Variants in SNTG1 observed in about 807,000 individuals in gnomAD.
The protein encoded by SNTG1 is syntrophin gamma 1.
In SNTG1, 39 loss-of-function variants were observed where a neutral mutation model predicts 74.7. The ratio of observed to expected loss-of-function variants is 0.52; its 90% CI spans 0.40 to 0.68. SNTG1 has a LOEUF of 0.68. Ranked by LOEUF, SNTG1 falls within the 30% of genes least tolerant of loss-of-function variation. The pLI is 0.00. For synonymous variants in SNTG1, 254 were observed against 217.1 expected (o/e 1.17, Z -1.49); for missense variants, 685 against 609.5 (o/e 1.12, Z -1.30).
At chr8:50,468,543 G>A (rs1440489867) in intron 8 of SNTG1, among the ~76,000 whole-genome samples, 1 of 152,004 alleles carries the variant, frequency 6.6e-6, no homozygotes, top group East Asian at 1.9e-4. Context: ...ATTAAAATGG[G>A]TTTCTTGTAG....
chr8:50,506,606 A>T (rs1361127904), intron 9 of SNTG1, among the ~76,000 whole-genome samples: 3 of 152,030 alleles, frequency 2.0e-5, no homozygotes, highest in Non-Finnish European at 4.4e-5. Flanking sequence ...TATTATCAAT[A>T]AAATTGTTTT....
chr8:50,757,903 G>A (rs1462216146), intron 18 of SNTG1, among the ~76,000 whole-genome samples: 1 of 151,930 alleles, frequency 6.6e-6, no homozygotes, highest in East Asian at 2.0e-4. Context: ...ACTAAACCAA[G>A]TCCGCCTTCA....
chr8:50,086,352 T>A (rs1009316729), intron 1 of SNTG1, among the ~76,000 whole-genome samples: 12 of 152,312 alleles, frequency 7.9e-5, no homozygotes, highest in Non-Finnish European at 1.8e-4. Context: ...TTGGAAGCTA[T>A]AATTGAGTAA....
At chr8:50,500,621 T>C (rs2129651168) in intron 8 of SNTG1, among the ~76,000 whole-genome samples, 1 of 152,328 alleles carries the variant, frequency 6.6e-6, no homozygotes, top group Non-Finnish European at 1.5e-5. Context: ...CCTGGTCATT[T>C]TGTTTATTAT....
chr8:49,958,234 G>A (rs112820449), intron 1 of SNTG1, among the ~76,000 whole-genome samples: 2 of 152,226 alleles, frequency 1.3e-5, no homozygotes, highest in African/African-American at 4.8e-5. Context: ...TAGGTTCACT[G>A]TAGGGCTGAA....
intron 17 of SNTG1, among the ~76,000 whole-genome samples, chr8:50,720,716 C>G (rs1479531625): frequency 6.6e-6 from 1 of 152,154 alleles, no homozygotes. Flanking sequence ...TTGCTGGACA[C>G]TCATGAGTCA....
chr8:50,292,958 G>C (rs1320230193), intron 2 of SNTG1, among the ~76,000 whole-genome samples: 1 of 152,076 alleles, frequency 6.6e-6, no homozygotes. Context: ...GAGGATCCAA[G>C]GACCTGAGGG....
intron 1 of SNTG1, among the ~76,000 whole-genome samples, chr8:49,994,783 G>T (rs1040360129): frequency 9.2e-5 from 14 of 151,948 alleles, no homozygotes; most frequent in African/African-American, 3.1e-4. Flanking sequence ...GAAAAGTCAG[G>T]AACTTAGTAA....
At chr8:50,264,997 C>A (rs1358365474) in intron 2 of SNTG1, among the ~76,000 whole-genome samples, 1 of 152,070 alleles carries the variant, frequency 6.6e-6, no homozygotes, top group South Asian at 2.1e-4. Flanking sequence ...TTAAAAACTT[C>A]TTCCAAGGTT....
intron 2 of SNTG1, among the ~76,000 whole-genome samples, chr8:50,372,173 T>A (rs1375617818): frequency 1.3e-5 from 2 of 151,924 alleles, no homozygotes; most frequent in Non-Finnish European, 2.9e-5. Context: ...CATGTCAACT[T>A]TTCCTCTCTA....
chr8:50,229,466 T>C (rs1447009018), intron 2 of SNTG1, among the ~76,000 whole-genome samples: 1 of 151,418 alleles, frequency 6.6e-6, no homozygotes, highest in African/African-American at 2.4e-5. Flanking sequence ...GCTATATAAA[T>C]TTCAAGGAAA....
At chr8:50,421,996 C>G (rs1350899925) in intron 4 of SNTG1, among the ~76,000 whole-genome samples, 2 of 152,046 alleles carry the variant, frequency 1.3e-5, no homozygotes, top group Admixed American at 6.6e-5. Flanking sequence ...GCAGACCAAG[C>G]CTCTATAGAG....
chr8:49,939,987 A>G (rs1808535794), intron 1 of SNTG1, among the ~76,000 whole-genome samples: 1 of 152,234 alleles, frequency 6.6e-6, no homozygotes, highest in African/African-American at 2.4e-5. Flanking sequence ...CAGTAATAAG[A>G]TAATACATGA....
At chr8:50,462,313 CTTAA>C (rs918279544) in intron 8 of SNTG1, among the ~76,000 whole-genome samples, 1 of 150,252 alleles carries the variant, frequency 6.7e-6, no homozygotes, top group African/African-American at 2.4e-5. Context: ...ATGTACATAA[CTTAA>C]TTAAAAATAT....
At chr8:50,553,901 C>T (rs1205099122) in intron 12 of SNTG1, among the ~76,000 whole-genome samples, 2 of 152,100 alleles carry the variant, frequency 1.3e-5, no homozygotes, top group African/African-American at 2.4e-5. Flanking sequence ...AAGTACTTGT[C>T]ATCATCCATG....
intron 2 of SNTG1, among the ~76,000 whole-genome samples, chr8:50,342,780 T>C (rs1457878057): frequency 6.6e-6 from 1 of 152,200 alleles, no homozygotes; most frequent in Non-Finnish European, 1.5e-5. Flanking sequence ...TTTATATAAA[T>C]TTATTTAATG....
In SNTG1 at chr8:50,564,773, T is replaced by C. The variant is rs980439398; in HGVS notation, c.810+11594T>C. On this transcript the variant is annotated intron_variant, in intron 12 of 18. Coordinates refer to ENST00000642720, the MANE Select transcript of SNTG1 (RefSeq NM_018967.5). ...GAAGGCTAGTTTTTGCCTTATATCT[T>C]TGAAAATAATGCCATACAATGAGGA... Among the ~76,000 whole-genome samples, 94 of 152,142 alleles carry C rather than the reference T, an allele frequency of 6.2e-4. 1 individual carries two copies. Among genetic ancestry groups the C allele is most frequent in the African/African-American group, 2.2e-3 (90 of 41,446 alleles).
At chr8:50,170,116 A>G (rs1401123609) in intron 1 of SNTG1, among the ~76,000 whole-genome samples, 4 of 152,174 alleles carry the variant, frequency 2.6e-5, no homozygotes, top group African/African-American at 9.7e-5. Flanking sequence ...TTCTAGTTCT[A>G]ATGTCTGCTC....
At chr8:50,608,863 A>G (rs544002791) in intron 13 of SNTG1, among the ~76,000 whole-genome samples, 2 of 151,888 alleles carry the variant, frequency 1.3e-5, no homozygotes, top group Non-Finnish European at 2.9e-5. Flanking sequence ...TTTTAACTAT[A>G]TATTTTGATT....
Sources: gnomAD v4.1 joint callset for allele counts (sites outside exome capture counted in the v4.1 genomes callset) on GRCh38, gnomAD v4.1.1 for gene constraint, MANE v1.5 for transcripts, NCBI Gene and HGNC (gene_info 2026-07-23, HGNC 2026-07-21) for gene names.